The following SLIT2 variants were observed in gnomAD, a reference collection of about 807,000 sequenced individuals.
SLIT2 encodes slit homolog 2 protein.
A neutral mutation model predicts 185.7 loss-of-function variants in SLIT2; 41 were observed. That is an observed-to-expected ratio of 0.22 (90% CI 0.17 to 0.29). The LOEUF (loss-of-function observed/expected upper bound fraction) is 0.29, where lower values mean the gene tolerates loss of function less well. SLIT2 is among the 10% of genes least tolerant of loss of function. The pLI is 1.00. For synonymous variants in SLIT2, 693 were observed against 680.2 expected (o/e 1.02, Z -0.29); for missense variants, 1,571 against 1,909.0 (o/e 0.82, Z 3.30).
At chr4:20,374,536 T>G (rs1306560989) in intron 4 of SLIT2, among the ~76,000 whole-genome samples, 1 of 152,156 alleles carries the variant, frequency 6.6e-6, no homozygotes, top group African/African-American at 2.4e-5. Context: ...GCTGACCATC[T>G]ATCTGATAAG....
chr4:20,387,197 G>T (rs1725002602), intron 4 of SLIT2, among the ~76,000 whole-genome samples: 1 of 152,064 alleles, frequency 6.6e-6, no homozygotes, highest in South Asian at 2.1e-4. Flanking sequence ...AACCTTTATT[G>T]TTGTTCTCAG....
At position 20,600,413 on chromosome 4, in the gene SLIT2, A is replaced by ATTT. The variant is rs1281627568; in HGVS notation, c.3692+2042_3692+2044dup. Among the ~76,000 whole-genome samples, 14 of 89,500 alleles carry ATTT rather than the reference A, an allele frequency of 1.6e-4. 1 individual carries two copies. The highest frequency in any genetic ancestry group is 5.6e-4 in the African/African-American group (10 of 17,892). 58.7% of individuals were successfully genotyped at this position (89,500 alleles called of 152,430 possible). On this transcript the variant is annotated intron_variant, in intron 33 of 36. Transcript: ENST00000504154. ...ATTTATAAAGGGACTATTATGTTGC[A>ATTT]TTTTTTTTTTTTTTTTTTTTTTTTT...
At chr4:20,519,304 C>T in intron 11 of SLIT2, 78 bp from the exon 12 acceptor site, 4 of 746,630 alleles carry the variant, frequency 5.4e-6, no homozygotes, top group Non-Finnish European at 9.4e-6. Context: ...TTCCTGTATG[C>T]CTGAGTAAAT....
intron 9 of SLIT2, among the ~76,000 whole-genome samples, chr4:20,507,401 T>C: frequency 6.6e-6 from 1 of 151,978 alleles, no homozygotes; most frequent in East Asian, 1.9e-4. Flanking sequence ...AGGGAAAATC[T>C]TCAGTTATAT....
chr4:20,471,494 A>C (rs564744833), intron 5 of SLIT2, among the ~76,000 whole-genome samples: 2 of 152,268 alleles, frequency 1.3e-5, no homozygotes, highest in African/African-American at 4.8e-5. Flanking sequence ...ACAAGTTGAA[A>C]AACCCTGCAT....
chr4:20,475,596 A>G (rs1429680909), intron 5 of SLIT2, among the ~76,000 whole-genome samples: 1 of 152,176 alleles, frequency 6.6e-6, no homozygotes, highest in Non-Finnish European at 1.5e-5. Context: ...TGTGAGACTC[A>G]TAGTCTCAAA....
chr4:20,390,114 A>T (rs1725297343), intron 4 of SLIT2, among the ~76,000 whole-genome samples: 2 of 151,972 alleles, frequency 1.3e-5, no homozygotes, highest in Admixed American at 6.6e-5. Flanking sequence ...TGTACATGTA[A>T]CTCCAATATA....
chr4:20,611,832 A>G (rs1282800233), intron 34 of SLIT2, among the ~76,000 whole-genome samples: 1 of 152,212 alleles, frequency 6.6e-6, no homozygotes, highest in Non-Finnish European at 1.5e-5. Context: ...AGGATTTTAT[A>G]TAACTTGTCC....
At position 20,472,468 on chromosome 4, in the gene SLIT2, ATATATAGATATATATC is replaced by A. The variant is rs1333777188; in HGVS notation, c.467+4652_467+4667del. 2.0e-4 allele frequency among the ~76,000 whole-genome samples: 11 copies of A among 56,408 alleles called. 2 individuals are homozygous for A. The highest frequency in any genetic ancestry group is 9.0e-4 in the African/African-American group (11 of 12,158). The allele number at this position is 56,408 out of a possible 152,430, so 37.0% of individuals were successfully genotyped here. A position where few individuals can be genotyped will look rare whatever the true frequency, so the allele number is the denominator to read the frequency against. On this transcript the variant is annotated intron_variant, in intron 5 of 36. Coordinates refer to ENST00000504154, the MANE Select transcript of SLIT2 (RefSeq NM_004787.4). ...TATCTATATAGATATATCTATATCTATATATAGATATATATCTATATATAGATATATATCTATATAT... is the reference window on the plus strand; with the variant it reads ...TATCTATATAGATATATCTATATCTATATATATAGATATATATCTATATAT...
At position 20,491,775 on chromosome 4, in the gene SLIT2, A is replaced by G. The variant is rs777493079; in HGVS notation, c.790A>G (p.Met264Val). The change falls in exon 9 of 37, where the codon ATG (methionine) becomes GTG (valine). Residue 264 changes from methionine to valine, a missense_variant. Met to Val is a conservative substitution (Grantham distance 21, BLOSUM62 1). Around this residue, in one of 3 missense-constraint regions of SLIT2, gnomAD observed 1,202 missense variants for 1,416.4 expected, o/e 0.85. Transcript: ENST00000504154. ...EFVCSGHQSF[M>V]APSCSVLHCP... ...TTCTTTTTTAGGTCACCAGTCATTT[A>G]TGGCTCCTTCTTGTAGTGTTTTGCA... 25 of 1,611,732 alleles carry G rather than the reference A, an allele frequency of 1.6e-5. No individual in the cohort carries two copies. The East Asian group carries it at 5.6e-4, about 36-fold the overall frequency.
At position 20,497,523 on chromosome 4, in the gene SLIT2, C is replaced by T. The variant is rs140352838; in HGVS notation, c.914+5624C>T. 4.0e-3 allele frequency among the ~76,000 whole-genome samples: 607 copies of T among 152,234 alleles called. 4 individuals are homozygous for T. Among genetic ancestry groups the T allele is most frequent in the African/African-American group, 0.014 (573 of 41,548 alleles). On this transcript the variant is annotated intron_variant, in intron 9 of 36. Coordinates refer to ENST00000504154, the MANE Select transcript of SLIT2 (RefSeq NM_004787.4). ...TTAAGAAACTTACCTATGAAGAGAACGTAGACAAGGCATTAAGATACAGGA... is the reference window on the plus strand; with the variant it reads ...TTAAGAAACTTACCTATGAAGAGAATGTAGACAAGGCATTAAGATACAGGA...
Position 20,562,151 on chromosome 4 carries a change from C to T in SLIT2, c.2726-5111C>T, listed in dbSNP as rs191727023. On this transcript the variant is annotated intron_variant, in intron 26 of 36. Transcript: ENST00000504154. ...ACCTCTGTCATCTGGAGATCATCTC[C>T]ACCCCTCCACTGAAACTAGAACACC... is the stretch of plus-strand genomic sequence containing the variant. Among the ~76,000 whole-genome samples, 14 of 151,872 alleles carry T rather than the reference C, an allele frequency of 9.2e-5. 1 individual carries two copies. The highest frequency in any genetic ancestry group is 3.4e-4 in the African/African-American group (14 of 41,408).
chr4:20,590,839 T>C (rs1046364713), intron 30 of SLIT2, among the ~76,000 whole-genome samples: 2 of 152,208 alleles, frequency 1.3e-5, no homozygotes, highest in African/African-American at 4.8e-5. Context: ...GTTAGTTGAC[T>C]GTCCAGAGAT....
At chr4:20,360,186 T>C (rs1021605272) in intron 4 of SLIT2, among the ~76,000 whole-genome samples, 4 of 152,194 alleles carry the variant, frequency 2.6e-5, no homozygotes, top group Non-Finnish European at 4.4e-5. Flanking sequence ...AGTCATTCCA[T>C]TAACCAAAAA....
At chr4:20,541,400 G>C in intron 19 of SLIT2, 53 bp from the exon 20 acceptor site, 3 of 1,529,308 alleles carry the variant, frequency 2.0e-6, no homozygotes, top group South Asian at 2.3e-5. Flanking sequence ...TTTAGAGAAG[G>C]AAGAAGATGA....
rs143143033 is a variant in SLIT2 at position 20,261,577 on chromosome 4, G to A, written c.323+3638G>A. On this transcript the variant is annotated intron_variant, in intron 3 of 36. Coordinates refer to ENST00000504154, the MANE Select transcript of SLIT2 (RefSeq NM_004787.4). ...CTTCTATTTTATGGTCTTTTAGGGG[G>A]ACCCAGATCATGTCAGGGTTCCACT... 1.3e-4 allele frequency among the ~76,000 whole-genome samples: 19 copies of A among 151,916 alleles called. No homozygotes were observed. The East Asian group carries it at 3.7e-3, about 29-fold the overall frequency.
In SLIT2 at chr4:20,255,443, T is replaced by C. The variant is rs140869460; in HGVS notation, c.180-1229T>C. Among the ~76,000 whole-genome samples, 352 of 152,300 alleles carry C rather than the reference T, an allele frequency of 2.3e-3. 2 individuals carry two copies. The highest frequency in any genetic ancestry group is 8.1e-3 in the African/African-American group (335 of 41,570). On this transcript the variant is annotated intron_variant, in intron 1 of 36. Transcript: ENST00000504154. ...CTAGGGGTGCCTTGTCAGGATTCGA[T>C]CCACATTTGTGTAGGGTGGTGGGTG...
intron 4 of SLIT2, among the ~76,000 whole-genome samples, chr4:20,378,027 G>T (rs964851392): frequency 6.6e-6 from 1 of 152,080 alleles, no homozygotes; most frequent in Non-Finnish European, 1.5e-5. Context: ...TACACCCAGC[G>T]TGTGTGGATA....
chr4:20,291,479 TA>T (rs1715869194), intron 4 of SLIT2, among the ~76,000 whole-genome samples: 11 of 9,728 alleles, frequency 1.1e-3, no homozygotes, highest in Admixed American at 3.2e-3. Flanking sequence ...TATATATATA[TA>T]TATATATATA....
Sources: allele counts gnomAD v4.1 joint callset (sites outside exome capture counted in the v4.1 genomes callset), GRCh38; gene constraint gnomAD v4.1.1; regional missense constraint gnomAD v4.1.1; transcripts MANE v1.5; gene names NCBI Gene and HGNC (gene_info 2026-07-23, HGNC 2026-07-21).